Variants in GPR107 observed in about 807,000 individuals in gnomAD.
GPR107 encodes protein GPR107.
In GPR107, 31 loss-of-function variants were observed where a neutral mutation model predicts 75.5. The observed-to-expected ratio is 0.41, with a 90% CI of 0.31 to 0.55. The LOEUF is 0.55. GPR107 is among the 20% of genes least tolerant of loss of function. The pLI, the probability that GPR107 is intolerant of heterozygous loss-of-function variation, is 0.26. For synonymous variants in GPR107, 267 were observed against 251.3 expected, an observed-to-expected ratio of 1.06 and a Z score of -0.59; for missense variants, 572 against 665.7, an observed-to-expected ratio of 0.86 and a Z score of 1.55.
intron 17 of GPR107, among the ~76,000 whole-genome samples, chr9:130,130,881 A>AG (rs1205925948): frequency 6.6e-6 from 1 of 150,804 alleles, no homozygotes; most frequent in East Asian, 1.9e-4. Flanking sequence ...AAAAAAGAAA[A>AG]AAAAAAAAAA....
At chr9:130,075,885 C>G in intron 2 of GPR107, 136 bp downstream of exon 2, 1 of 536,760 alleles carries the variant, frequency 1.9e-6, no homozygotes. Context: ...CGGGTTCAAG[C>G]AGTTCTCTGC....
At chr9:130,067,890 G>A (rs568386484) in intron 1 of GPR107, among the ~76,000 whole-genome samples, 10 of 151,346 alleles carry the variant, frequency 6.6e-5, no homozygotes, top group South Asian at 2.1e-4. Context: ...GATTACAAGC[G>A]GGCGCCACCA....
chr9:130,062,726 A>AT (rs1190419725), intron 1 of GPR107, among the ~76,000 whole-genome samples: 2 of 130,392 alleles, frequency 1.5e-5, no homozygotes, highest in East Asian at 2.2e-4. Context: ...TCCGTCTTTT[A>AT]TTTTTTTTTA....
At chr9:130,123,917 C>T (rs1156477847) in intron 14 of GPR107, among the ~76,000 whole-genome samples, 1 of 152,246 alleles carries the variant, frequency 6.6e-6, no homozygotes, top group African/African-American at 2.4e-5. Context: ...GAATCTGCTG[C>T]AGCCCCAGAG....
intron 12 of GPR107, among the ~76,000 whole-genome samples, chr9:130,102,542 A>C (rs1831060706): frequency 6.6e-6 from 1 of 152,220 alleles, no homozygotes; most frequent in Admixed American, 6.5e-5. Flanking sequence ...ATGAGTATTT[A>C]GACAATAGAA....
chr9:130,089,226 TACAGG>T (rs1423764900), intron 7 of GPR107, among the ~76,000 whole-genome samples: 3 of 152,128 alleles, frequency 2.0e-5, no homozygotes, highest in African/African-American at 7.2e-5. Context: ...AGGAAAGTGT[TACAGG>T]ATGCACACGT....
intron 17 of GPR107, chr9:130,133,289 T>C (rs1831874105): frequency 6.6e-6 from 1 of 152,254 alleles, no homozygotes; most frequent in Non-Finnish European, 1.5e-5. Flanking sequence ...GAGAAAATGT[T>C]TTTCCCAAGT....
intron 9 of GPR107, 142 bp downstream of exon 9, chr9:130,092,523 T>C (rs763724523): frequency 1.4e-6 from 1 of 706,082 alleles, no homozygotes; most frequent in Admixed American, 2.3e-5. Flanking sequence ...AGTATGAAGA[T>C]TGTGCGGGAG....
rs1045979986 is a variant in GPR107 at position 130,069,984 on chromosome 9, C to CTTTTTTTTTTTTTTTT, written c.142-5640_142-5625dup. On this transcript the variant is annotated intron_variant, in intron 1 of 17. Transcript: ENST00000347136. ...AGGCATAAGCCACCGTGCCTGGCCTCTTTTTTTTTTTTTTTTTTTTTTTTT... is the reference window on the plus strand; with the variant it reads ...AGGCATAAGCCACCGTGCCTGGCCTCTTTTTTTTTTTTTTTTTTTTTTTTTTTTTTTTTTTTTTTTT... 2.6e-4 allele frequency among the ~76,000 whole-genome samples: 12 copies of CTTTTTTTTTTTTTTTT among 45,412 alleles called. 1 individual carries two copies. In the South Asian group the frequency reaches 3.3e-3, roughly 13 times the overall value. The allele number at this position is 45,412 out of a possible 152,430, so 29.8% of individuals were successfully genotyped here. A position where few individuals can be genotyped will look rare whatever the true frequency, so the allele number is the denominator to read the frequency against.
At position 130,139,677 on chromosome 9, in the gene GPR107, T is replaced by A. The variant is rs1832050076; in HGVS notation, c.*4556T>A. 1 of 152,052 alleles carries A rather than the reference T, an allele frequency of 6.6e-6. No homozygotes were observed. The highest frequency in any genetic ancestry group is 1.5e-5 in the Non-Finnish European group (1 of 68,056). The allele number at this position is 152,052 out of a possible 1,614,324, so 9.4% of individuals were successfully genotyped here. Reference sequence around the variant, plus strand: ...GGCGTTCTGGGCAGAGTCAGAATGGTCAGAATGAAACAGAACAGCCAACTC... The same window carrying A: ...GGCGTTCTGGGCAGAGTCAGAATGGACAGAATGAAACAGAACAGCCAACTC... On this transcript the variant is annotated 3_prime_UTR_variant, in exon 18 of 18. Coordinates refer to ENST00000347136, the MANE Select transcript of GPR107 (RefSeq NM_020960.5).
chr9:130,096,078 G>A (rs1200591582), intron 9 of GPR107, among the ~76,000 whole-genome samples: 1 of 152,082 alleles, frequency 6.6e-6, no homozygotes, highest in Admixed American at 6.6e-5. Flanking sequence ...TATTTGAGCC[G>A]AGGTCAGTGA....
intron 1 of GPR107, among the ~76,000 whole-genome samples, chr9:130,067,070 G>GAGAA (rs1824745429): frequency 1.3e-5 from 2 of 152,184 alleles, no homozygotes; most frequent in South Asian, 2.1e-4. Flanking sequence ...AGAGAGCTGG[G>GAGAA]AGAATGTGAC....
At chr9:130,110,853 G>C (rs1831281077) in intron 14 of GPR107, among the ~76,000 whole-genome samples, 2 of 152,166 alleles carry the variant, frequency 1.3e-5, no homozygotes, top group African/African-American at 4.8e-5. Flanking sequence ...GTTCACTCCT[G>C]AGATCTGGAG....
chr9:130,102,090 A>G (rs7046892), intron 12 of GPR107, among the ~76,000 whole-genome samples: 151,849 of 152,270 alleles, frequency 1, 75,715 homozygotes, highest in East Asian at 1. Flanking sequence ...CAAGGAGAGA[A>G]TAAGCACTCA....
chr9:130,135,279 G>T lies in GPR107; in HGVS notation c.*158G>T, dbSNP rs1554899787. On this transcript the variant is annotated 3_prime_UTR_variant, in exon 18 of 18. Coordinates refer to ENST00000347136, the MANE Select transcript of GPR107 (RefSeq NM_020960.5). ...CACAGTGCCGCGGAAACCTGATTTTGTACTCTCTTTTATGGAAACGATCTG... is the reference window on the plus strand; with the variant it reads ...CACAGTGCCGCGGAAACCTGATTTTTTACTCTCTTTTATGGAAACGATCTG... 2.9e-5 allele frequency: 15 copies of T among 517,318 alleles called. 1 individual carries two copies. The highest frequency in any genetic ancestry group is 3.4e-5 in the Non-Finnish European group (10 of 293,658). 32.0% of individuals were successfully genotyped at this position (517,318 alleles called of 1,614,324 possible).
At chr9:130,066,802 G>A (rs1268404287) in intron 1 of GPR107, among the ~76,000 whole-genome samples, 2 of 152,070 alleles carry the variant, frequency 1.3e-5, no homozygotes, top group African/African-American at 2.4e-5. Flanking sequence ...TGGCTAACAC[G>A]ATGAAACCCC....
At chr9:130,132,662 C>T (rs1831854798) in intron 17 of GPR107, among the ~76,000 whole-genome samples, 1 of 151,978 alleles carries the variant, frequency 6.6e-6, no homozygotes, top group Non-Finnish European at 1.5e-5. Context: ...GGACATGTAC[C>T]TATAATCCAG....
intron 10 of GPR107, 76 bp from the exon 11 acceptor site, chr9:130,100,553 T>TCG: frequency 9.5e-7 from 1 of 1,051,880 alleles, no homozygotes; most frequent in East Asian, 2.4e-5. Context: ...ATTTCCCAAA[T>TCG]GGGTCCAAGT....
chr9:130,083,389 C>T (rs573866101), intron 5 of GPR107, 176 bp from the exon 6 acceptor site: 158 of 396,768 alleles, frequency 4.0e-4, no homozygotes, highest in African/African-American at 2.4e-3. Context: ...TAATTTGCTG[C>T]TTCGACAGTA....
Sources: gnomAD v4.1 joint callset for allele counts (sites outside exome capture counted in the v4.1 genomes callset) on GRCh38, gnomAD v4.1.1 for gene constraint, MANE v1.5 for transcripts, NCBI Gene and HGNC (gene_info 2026-07-23, HGNC 2026-07-21) for gene names.